The following TENT4B variants were observed in gnomAD, a reference collection of about 807,000 sequenced individuals.
The protein encoded by TENT4B is PAP associated domain containing 5.
A neutral mutation model predicts 75.0 loss-of-function variants in TENT4B; 10 were observed. That is an observed-to-expected ratio of 0.13 (90% CI 0.08 to 0.23). TENT4B has a LOEUF of 0.23. Ranked by LOEUF, TENT4B falls within the 10% of genes least tolerant of loss-of-function variation. The pLI, the probability that TENT4B is intolerant of heterozygous loss-of-function variation, is 1.00. For synonymous variants in TENT4B, 350 were observed against 357.7 expected, an observed-to-expected ratio of 0.98 and a Z score of 0.24; for missense variants, 579 against 893.8, an observed-to-expected ratio of 0.65 and a Z score of 4.49.
rs1317029580 is a variant in TENT4B at position 50,154,274 on chromosome 16, T to TGC, written c.638+17_638+18dup. ...GGAGTCGTGGGGTGAGTGCTGGCTC[T>TGC]GCGGCCCGATGGCCTGGCCGGTGCG... On this transcript the variant is annotated intron_variant, in intron 1 of 11. Transcript: ENST00000561678. The TGC allele has an allele frequency of 1.4e-6, 2 of 1,398,122 alleles. No individual in the cohort carries two copies. The highest frequency in any genetic ancestry group is 1.8e-6 in the Non-Finnish European group (2 of 1,082,812). The allele number at this position is 1,398,122 out of a possible 1,614,324, so 86.6% of individuals were successfully genotyped here. A position where few individuals can be genotyped will look rare whatever the true frequency, so the allele number is the denominator to read the frequency against.
chr16:50,181,501 C>T (rs1367674341), intron 1 of TENT4B, among the ~76,000 whole-genome samples: 1 of 142,990 alleles, frequency 7.0e-6, no homozygotes, highest in Non-Finnish European at 1.5e-5. Flanking sequence ...GACAGAGTTT[C>T]ACCATGTTGT....
chr16:50,167,041 A>G (rs2038114666), intron 1 of TENT4B, among the ~76,000 whole-genome samples: 1 of 152,160 alleles, frequency 6.6e-6, no homozygotes, highest in Non-Finnish European at 1.5e-5. Context: ...CTCACGACTC[A>G]TCTTCCTGAG....
intron 6 of TENT4B, 93 bp from the exon 7 acceptor site, chr16:50,223,081 A>G: frequency 9.3e-7 from 1 of 1,074,000 alleles, no homozygotes; most frequent in South Asian, 1.6e-5. Context: ...AAATTATAAT[A>G]ATATTGCTTG....
In TENT4B at chr16:50,232,444, G is replaced by A; in HGVS notation, c.*3116G>A. ...CCAGATATTCCTAGATCTGCACAGG[G>A]CAAAACATGGGCTATAGGGTGAGCA... On this transcript the variant is annotated 3_prime_UTR_variant, in exon 12 of 12. Transcript: ENST00000561678. 1 of 985,302 alleles carries A rather than the reference G, an allele frequency of 1.0e-6. No individual in the cohort carries two copies. The highest frequency in any genetic ancestry group is 1.2e-6 in the Non-Finnish European group (1 of 829,922). 61.0% of individuals were successfully genotyped at this position (985,302 alleles called of 1,614,324 possible).
At chr16:50,175,442 C>G (rs952994963) in intron 1 of TENT4B, among the ~76,000 whole-genome samples, 1 of 152,058 alleles carries the variant, frequency 6.6e-6, no homozygotes, top group Non-Finnish European at 1.5e-5. Flanking sequence ...GGTCTGTGAT[C>G]TATTTTAAGT....
At chr16:50,224,480 A>G (rs931385346) in intron 7 of TENT4B, among the ~76,000 whole-genome samples, 177 bp from the exon 8 acceptor site, 1 of 152,186 alleles carries the variant, frequency 6.6e-6, no homozygotes, top group East Asian at 1.9e-4. Context: ...TGAAGTACCA[A>G]CTGCATGATT....
At chr16:50,225,049 G>C in intron 9 of TENT4B, 49 bp from the exon 10 acceptor site, 1 of 1,608,172 alleles carries the variant, frequency 6.2e-7, no homozygotes. Context: ...TCTGTGTTGT[G>C]TGCGTTTAAT....
intron 1 of TENT4B, among the ~76,000 whole-genome samples, chr16:50,166,836 C>T (rs1321639354): frequency 6.7e-6 from 1 of 149,032 alleles, no homozygotes; most frequent in Non-Finnish European, 1.5e-5. Context: ...CACCTTATTG[C>T]CCAGGCTGGT....
chr16:50,186,048 A>G (rs1232275377), intron 1 of TENT4B, among the ~76,000 whole-genome samples: 1 of 152,138 alleles, frequency 6.6e-6, no homozygotes, highest in African/African-American at 2.4e-5. Context: ...TTGTGGTAAA[A>G]TATACATAAG....
chr16:50,164,712 A>G (rs2038066468), intron 1 of TENT4B, among the ~76,000 whole-genome samples: 1 of 152,068 alleles, frequency 6.6e-6, no homozygotes, highest in Non-Finnish European at 1.5e-5. Context: ...AGGGCATCAG[A>G]ATATTGTGGA....
intron 1 of TENT4B, among the ~76,000 whole-genome samples, chr16:50,170,350 A>G (rs1327942159): frequency 6.6e-6 from 1 of 152,126 alleles, no homozygotes; most frequent in Admixed American, 6.6e-5. Context: ...CCTTCATGTG[A>G]ATCATTCCTG....
chr16:50,181,457 C>T (rs1050299966), intron 1 of TENT4B, among the ~76,000 whole-genome samples: 1 of 148,070 alleles, frequency 6.8e-6, no homozygotes, highest in African/African-American at 2.5e-5. Context: ...TCATATCCAG[C>T]TATTGTATTT....
At chr16:50,211,285 G>T in intron 1 of TENT4B, 38 bp from the exon 2 acceptor site, 1 of 1,557,874 alleles carries the variant, frequency 6.4e-7, no homozygotes, top group Non-Finnish European at 8.6e-7. Flanking sequence ...TCATTAGATT[G>T]GCCCTGTTCA....
chr16:50,224,560 A>C, intron 7 of TENT4B, 97 bp from the exon 8 acceptor site: 1 of 1,483,118 alleles, frequency 6.7e-7, no homozygotes, highest in Non-Finnish European at 9.2e-7. Context: ...CTCTGGTGGG[A>C]TAACTATGGC....
rs1484598867 is a variant in TENT4B at position 50,232,424 on chromosome 16, T to C, written c.*3096T>C. ...TTAGGTTATTTGATTTGGCTCCAGA[T>C]ATTCCTAGATCTGCACAGGGCAAAA... On this transcript the variant is annotated 3_prime_UTR_variant, in exon 12 of 12. Transcript: ENST00000561678. The C allele has an allele frequency of 7.1e-6, 7 of 985,276 alleles. No homozygotes were observed. The highest frequency in any genetic ancestry group is 8.4e-6 in the Non-Finnish European group (7 of 829,944). 61.0% of individuals were successfully genotyped at this position (985,276 alleles called of 1,614,324 possible).
chr16:50,169,021 A>G (rs1442743456), intron 1 of TENT4B, among the ~76,000 whole-genome samples: 1 of 152,186 alleles, frequency 6.6e-6, no homozygotes, highest in African/African-American at 2.4e-5. Context: ...TAATCGTAAC[A>G]CCATTATTAA....
intron 1 of TENT4B, among the ~76,000 whole-genome samples, chr16:50,209,738 G>A (rs141715281): frequency 5.3e-4 from 80 of 152,296 alleles, no homozygotes; most frequent in African/African-American, 1.9e-3. Flanking sequence ...GAACACAGCT[G>A]CCCTCAGGCA....
chr16:50,197,913 A>G (rs1405280809), intron 1 of TENT4B, among the ~76,000 whole-genome samples: 1 of 152,160 alleles, frequency 6.6e-6, no homozygotes, highest in African/African-American at 2.4e-5. Context: ...CTGTAGGTCA[A>G]ACTTAAAATA....
intron 1 of TENT4B, among the ~76,000 whole-genome samples, chr16:50,193,701 T>A (rs1023914285): frequency 6.6e-6 from 1 of 152,168 alleles, no homozygotes; most frequent in East Asian, 1.9e-4. Context: ...CTGGGCATGT[T>A]GTCACCTTCC....
Sources: allele counts gnomAD v4.1 joint callset (sites outside exome capture counted in the v4.1 genomes callset), GRCh38; gene constraint gnomAD v4.1.1; transcripts MANE v1.5; gene names NCBI Gene and HGNC (gene_info 2026-07-23, HGNC 2026-07-21).